KANSL1L: variants seen among roughly 807,000 people sequenced by gnomAD.
KANSL1L encodes the protein KAT8 regulatory NSL complex subunit 1-like protein.
Under a neutral mutation model 108.6 loss-of-function variants are expected in KANSL1L, and 25 were observed. The ratio of observed to expected loss-of-function variants is 0.23; its 90% CI spans 0.17 to 0.32. KANSL1L has a LOEUF of 0.32. Among genes scored for constraint, KANSL1L ranks in the 10% least tolerant of loss-of-function variants. The pLI, the probability that KANSL1L is intolerant of heterozygous loss-of-function variation, is 1.00. For synonymous variants in KANSL1L, 405 were observed against 395.1 expected, an observed-to-expected ratio of 1.03 and a Z score of -0.30; for missense variants, 1,137 against 1,125.7, an observed-to-expected ratio of 1.01 and a Z score of -0.14.
chr2:210,145,268 C>T (rs2095257503), intron 2 of KANSL1L, among the ~76,000 whole-genome samples: 1 of 152,160 alleles, frequency 6.6e-6, no homozygotes, highest in Non-Finnish European at 1.5e-5. Context: ...GGTGCATTTG[C>T]AGTGGTGGCA....
At chr2:210,097,380 AATT>A in intron 5 of KANSL1L, 1 of 767,856 alleles carries the variant, frequency 1.3e-6, no homozygotes, top group Non-Finnish European at 1.6e-6. Flanking sequence ...TCTCTATGGT[AATT>A]AAAGCAAAGA....
intron 5 of KANSL1L, among the ~76,000 whole-genome samples, chr2:210,081,175 T>C (rs558576058): frequency 3.3e-5 from 5 of 152,148 alleles, no homozygotes; most frequent in Admixed American, 1.3e-4. Flanking sequence ...CTTCCCAATG[T>C]TTCCCAGGCT....
chr2:210,030,221 C>T (rs1382423473), intron 9 of KANSL1L, among the ~76,000 whole-genome samples: 1 of 151,864 alleles, frequency 6.6e-6, no homozygotes, highest in Non-Finnish European at 1.5e-5. Flanking sequence ...ATAGTTGAAC[C>T]ACCAGAACTA....
rs916546615 is a variant in KANSL1L, at chr2:210,044,501, A to G, written c.1756-397T>C. ...ACCAATTCAATAATGAATAAAAATG[A>G]TCAAAGGAGACATATGTGTTTTGTT... On this transcript the variant is annotated intron_variant, in intron 6 of 14. Transcript: ENST00000281772. The surrounding 1 kb of genome is among the most constrained non-coding windows in gnomAD (Gnocchi z 4.2). Among the ~76,000 whole-genome samples, 1 of 151,974 alleles carries G rather than the reference A, an allele frequency of 6.6e-6. No homozygotes were observed.
chr2:210,066,832 G>C (rs1175664619), intron 6 of KANSL1L, among the ~76,000 whole-genome samples: 2 of 152,184 alleles, frequency 1.3e-5, no homozygotes, highest in Non-Finnish European at 2.9e-5. Context: ...GAGTAAAGCT[G>C]TTATGAGCCC....
intron 6 of KANSL1L, among the ~76,000 whole-genome samples, chr2:210,062,225 G>C (rs2094427370): frequency 6.6e-6 from 1 of 152,146 alleles, no homozygotes; most frequent in Non-Finnish European, 1.5e-5. Flanking sequence ...AAAAAGAGAA[G>C]ATACCCTGTA....
intron 1 of KANSL1L, among the ~76,000 whole-genome samples, chr2:210,168,604 A>T (rs984563589): frequency 6.6e-6 from 1 of 152,094 alleles, no homozygotes; most frequent in African/African-American, 2.4e-5. Flanking sequence ...AAAGGAAATG[A>T]AATAATCTAA....
At chr2:210,125,288 G>T (rs1317757102) in intron 3 of KANSL1L, among the ~76,000 whole-genome samples, 1 of 151,858 alleles carries the variant, frequency 6.6e-6, no homozygotes, top group Non-Finnish European at 1.5e-5. Flanking sequence ...ATTTGAATAG[G>T]CCTATATAAC....
At chr2:210,101,728 A>G (rs1002597602) in intron 4 of KANSL1L, among the ~76,000 whole-genome samples, 7 of 152,236 alleles carry the variant, frequency 4.6e-5, no homozygotes, top group Admixed American at 2.6e-4. Context: ...CAAAATATTC[A>G]TAAGTGCTTT....
Position 210,121,191 on chromosome 2 carries a change from CAT to C in KANSL1L, c.1230+7838_1230+7839del, listed in dbSNP as rs745919616. Among the ~76,000 whole-genome samples, 6 of 152,126 alleles carry C rather than the reference CAT, an allele frequency of 3.9e-5. No individual in the cohort carries two copies. The East Asian group carries it at 9.6e-4, about 24-fold the overall frequency. ...TATCATTCTATTATAAAGATACACA[CAT>C]GTGTACGTTTATTGCAGCACTATGC... On this transcript the variant is annotated intron_variant, in intron 3 of 14. Coordinates refer to ENST00000281772, the MANE Select transcript of KANSL1L (RefSeq NM_152519.4).
intron 7 of KANSL1L, among the ~76,000 whole-genome samples, chr2:210,042,003 A>T (rs1054157844): frequency 6.6e-6 from 1 of 152,184 alleles, no homozygotes; most frequent in Non-Finnish European, 1.5e-5. Context: ...CAGGATTCTG[A>T]TATTTTCCAA....
intron 6 of KANSL1L, among the ~76,000 whole-genome samples, chr2:210,073,822 T>C (rs1304274525): frequency 2.0e-5 from 3 of 152,014 alleles, no homozygotes; most frequent in East Asian, 3.9e-4. Context: ...CAATTCTCTA[T>C]TGCCTTTTAA....
intron 3 of KANSL1L, among the ~76,000 whole-genome samples, chr2:210,119,436 C>A (rs1164236831): frequency 1.3e-5 from 2 of 152,012 alleles, no homozygotes; most frequent in South Asian, 2.1e-4. Flanking sequence ...ATGCAGAAGT[C>A]CTTAACAAAA....
chr2:210,168,841 C>A (rs1260432907), intron 1 of KANSL1L, among the ~76,000 whole-genome samples: 1 of 152,036 alleles, frequency 6.6e-6, no homozygotes, highest in Non-Finnish European at 1.5e-5. Flanking sequence ...TCCTGATCTT[C>A]CATAGATAAA....
At chr2:210,107,495 C>G (rs929867613) in intron 3 of KANSL1L, among the ~76,000 whole-genome samples, 8 of 146,914 alleles carry the variant, frequency 5.4e-5, no homozygotes, top group African/African-American at 2.0e-4. Flanking sequence ...TTGCTAATAA[C>G]TGCTTTCTTC....
chr2:210,146,585 C>T (rs2095267516), intron 2 of KANSL1L, among the ~76,000 whole-genome samples: 1 of 152,152 alleles, frequency 6.6e-6, no homozygotes, highest in South Asian at 2.1e-4. Flanking sequence ...TTTTAAGTGA[C>T]ACATATTATA....
rs898030126 is a variant in KANSL1L, at chr2:210,137,307, G to A, written c.1089-8135C>T. 2.6e-5 allele frequency among the ~76,000 whole-genome samples: 4 copies of A among 152,134 alleles called. No homozygotes were observed. The South Asian group carries it at 6.2e-4, about 24-fold the overall frequency. On this transcript the variant is annotated intron_variant, in intron 2 of 14. Coordinates refer to ENST00000281772, the MANE Select transcript of KANSL1L (RefSeq NM_152519.4). ...ATTTCTATAGGACTTTTAGCATTTT[G>A]TTTAGATCTTCAGCTACTGCTAAGA...
chr2:210,092,903 A>C (rs1302199871), intron 5 of KANSL1L, among the ~76,000 whole-genome samples: 1 of 152,014 alleles, frequency 6.6e-6, no homozygotes, highest in African/African-American at 2.4e-5. Flanking sequence ...CACCATGATC[A>C]GAACATCTCA....
intron 2 of KANSL1L, among the ~76,000 whole-genome samples, chr2:210,136,247 C>A (rs1361969263): frequency 6.6e-6 from 1 of 151,548 alleles, no homozygotes; most frequent in African/African-American, 2.4e-5. Flanking sequence ...ATGGGATGGG[C>A]AAATTTAGTC....
Sources: gnomAD v4.1 joint callset for allele counts (sites outside exome capture counted in the v4.1 genomes callset) on GRCh38, gnomAD v4.1.1 for gene constraint, Gnocchi (gnomAD v3.1) non-coding constraint, MANE v1.5 for transcripts, NCBI Gene and HGNC (gene_info 2026-07-23, HGNC 2026-07-21) for gene names.